The following RGPD3 variants were observed in gnomAD, a reference collection of about 807,000 sequenced individuals.
RGPD3 encodes ranBP2-like and GRIP domain-containing protein 3.
In RGPD3, 62 loss-of-function variants were observed where a neutral mutation model predicts 154.5. The ratio of observed to expected loss-of-function variants is 0.40; its 90% confidence interval spans 0.33 to 0.50. The LOEUF (loss-of-function observed/expected upper bound fraction) is 0.50, where lower values mean the gene tolerates loss of function less well. Among genes scored for constraint, RGPD3 ranks in the 20% least tolerant of loss-of-function variants. The probability of loss-of-function intolerance (pLI) is 0.59; values close to 1 mark genes in which losing one functional copy is unlikely to be tolerated. For synonymous variants in RGPD3, 308 were observed against 607.0 expected, an observed-to-expected ratio of 0.51 and a Z score of 7.24; for missense variants, 919 against 1,716.8, an observed-to-expected ratio of 0.54 and a Z score of 8.21.
At chr2:106,462,192 T>C (rs1354545579) in intron 1 of RGPD3, among the ~76,000 whole-genome samples, 1 of 151,990 alleles carries the variant, frequency 6.6e-6, no homozygotes, top group Non-Finnish European at 1.5e-5. Flanking sequence ...GTTCCCCCTT[T>C]TCAAAATGAA....
chr2:106,463,726 A>ACAAT lies in RGPD3; in HGVS notation c.73-4398_73-4395dup, dbSNP rs1327230013. ...CGGTTAGTAAGGGTATTCCAGGTAG[A>ACAAT]CAATCAATCAATCAATCAATGTTTT... On this transcript the variant is annotated intron_variant, in intron 1 of 22. Coordinates refer to ENST00000409886, the MANE Select transcript of RGPD3 (RefSeq NM_001144013.2). Among the ~76,000 whole-genome samples the ACAAT allele has an allele frequency of 2.3e-3, 352 of 151,872 alleles. 2 individuals carry two copies. The highest frequency in any genetic ancestry group is 3.9e-3 in the Admixed American group (59 of 15,250).
chr2:106,424,687 C>T lies in RGPD3; in HGVS notation c.3280G>A (p.Gly1094Ser), dbSNP rs556289316. The change falls in exon 20 of 23, where the codon GGC (glycine) becomes AGC (serine). Residue 1094 changes from glycine to serine, a missense_variant. Coordinates refer to ENST00000409886, the MANE Select transcript of RGPD3 (RefSeq NM_001144013.2). ...NLKILKNEVN[G>S]KVRMLMQREQ... ...CTTTGCATCAGCATTCTTACTTTGC[C>T]ATTGACCTCGTTTTTGAGAATTTTT... 3.1e-6 allele frequency: 5 copies of T among 1,611,974 alleles called. No individual in the cohort carries two copies. In the East Asian group the frequency reaches 6.7e-5, roughly 22 times the overall value.
chr2:106,429,950 C>T (rs866603439), intron 17 of RGPD3, among the ~76,000 whole-genome samples, 169 bp from the exon 18 acceptor site: 615 of 145,432 alleles, frequency 4.2e-3, no homozygotes, highest in Middle Eastern at 7.8e-3. Flanking sequence ...ATGGCACAAT[C>T]TTGGCTCACC....
intron 1 of RGPD3, among the ~76,000 whole-genome samples, chr2:106,466,931 C>T (rs866347195): frequency 0.019 from 2,115 of 109,560 alleles, 169 homozygotes; most frequent in East Asian, 0.13. Context: ...CAGGGAGCAG[C>T]GCCCGTCGGG....
At chr2:106,440,554 C>A (rs1279886874) in intron 8 of RGPD3, among the ~76,000 whole-genome samples, 2 of 142,438 alleles carry the variant, frequency 1.4e-5, no homozygotes, top group Non-Finnish European at 3.1e-5. Context: ...CTAACTCCCA[C>A]AAAAAAAGTG....
intron 1 of RGPD3, among the ~76,000 whole-genome samples, chr2:106,464,705 G>GA (rs1171802667): frequency 6.6e-5 from 10 of 152,116 alleles, no homozygotes; most frequent in South Asian, 6.2e-4. Context: ...AAAAACTAGA[G>GA]AAAAAATTAT....
chr2:106,469,307 T>A (rs1573314051), upstream of RGPD3, among the ~76,000 whole-genome samples: 5 of 148,998 alleles, frequency 3.4e-5, no homozygotes, highest in African/African-American at 1.2e-4. Flanking sequence ...ACCTTACACC[T>A]ATCAAAAAGG....
At chr2:106,468,132 C>A in intron 1 of RGPD3, 85 bp downstream of exon 1, 1 of 1,505,584 alleles carries the variant, frequency 6.6e-7, no homozygotes, top group Non-Finnish European at 8.9e-7. Flanking sequence ...GCCATGACGC[C>A]TGAGCCATCG....
At chr2:106,464,223 G>T (rs1227701916) in intron 1 of RGPD3, among the ~76,000 whole-genome samples, 2 of 151,058 alleles carry the variant, frequency 1.3e-5, no homozygotes, top group South Asian at 4.2e-4. Flanking sequence ...GCGGGTGCCC[G>T]TAGTCCCAGC....
At chr2:106,448,792 G>A (rs533287757) in intron 6 of RGPD3, among the ~76,000 whole-genome samples, 1 of 152,062 alleles carries the variant, frequency 6.6e-6, no homozygotes, top group South Asian at 2.1e-4. Flanking sequence ...CCAGGTTCAA[G>A]CGATTCTTCT....
At chr2:106,430,332 A>G (rs563972333) in intron 17 of RGPD3, among the ~76,000 whole-genome samples, 68 of 143,222 alleles carry the variant, frequency 4.7e-4, no homozygotes, top group Middle Eastern at 3.5e-3. Flanking sequence ...CACCTAAACA[A>G]ATAACCTCCT....
At position 106,424,729 on chromosome 2, in the gene RGPD3, T is replaced by G. The variant is rs1172778237; in HGVS notation, c.3238A>C (p.Arg1080=). 3 of 1,611,984 alleles carry G rather than the reference T, an allele frequency of 1.9e-6. No homozygotes were observed. The highest frequency in any genetic ancestry group is 2.5e-6 in the Non-Finnish European group (3 of 1,179,846). Residue 1080 remains arginine, a synonymous_variant, in exon 20 of 23, where the codon AGG becomes CGG. Transcript: ENST00000409886. ...FDAEVSQWKE[R]GLGNLKILKN... is the part of the protein sequence containing the mutation. ...AGAATTTTTAAGTTCCCCAAGCCCC[T>G]TTCTTTCCACTGACTTACCTCAGCA...
chr2:106,462,028 C>G (rs563994388), intron 1 of RGPD3, among the ~76,000 whole-genome samples: 1 of 151,822 alleles, frequency 6.6e-6, no homozygotes, highest in Non-Finnish European at 1.5e-5. Flanking sequence ...GGACTACAGG[C>G]GCACACCACC....
chr2:106,469,561 A>G (rs183126331), upstream of RGPD3, among the ~76,000 whole-genome samples: 1,043 of 152,336 alleles, frequency 6.8e-3, 12 homozygotes, highest in African/African-American at 0.024. Flanking sequence ...GTCCCTAAAC[A>G]TCCACACTCA....
chr2:106,421,521 G>A (rs1300584776), intron 20 of RGPD3, among the ~76,000 whole-genome samples: 6 of 150,794 alleles, frequency 4.0e-5, no homozygotes, highest in South Asian at 2.1e-4. Context: ...TGGTCACTAA[G>A]GGTGAGATTT....
rs1409724690 is a variant in RGPD3, at chr2:106,418,236, T to C, written c.4925-2247A>G. 2.7e-5 allele frequency among the ~76,000 whole-genome samples: 4 copies of C among 146,250 alleles called. No individual in the cohort carries two copies. The Admixed American group carries it at 2.8e-4, about 10-fold the overall frequency. On this transcript the variant is annotated intron_variant, in intron 20 of 22. Transcript: ENST00000409886. ...CTACTAGCTAAGACAAACTGTTAGA[T>C]AACACAGCTCATAATATAGTACTAC...
chr2:106,464,083 C>T (rs866851772), intron 1 of RGPD3, among the ~76,000 whole-genome samples: 5 of 152,200 alleles, frequency 3.3e-5, no homozygotes, highest in South Asian at 2.1e-4. Flanking sequence ...CGGTGGCTCA[C>T]GCCTGTAATC....
In RGPD3 at chr2:106,425,369, A is replaced by G. The variant is rs1677166069; in HGVS notation, c.2701-103T>C. 1.6e-5 allele frequency: 24 copies of G among 1,534,136 alleles called. No individual in the cohort carries two copies. In the South Asian group the frequency reaches 2.4e-4, roughly 15 times the overall value. On this transcript the variant is annotated intron_variant, in intron 19 of 22. Coordinates refer to ENST00000409886, the MANE Select transcript of RGPD3 (RefSeq NM_001144013.2). ...AAACAATTTATCAAATGATGTTAAC[A>G]ATAATGATGATGATGATGATGATAA...
intron 7 of RGPD3, among the ~76,000 whole-genome samples, chr2:106,446,801 G>T (rs1325597549): frequency 2.0e-5 from 3 of 151,740 alleles, no homozygotes; most frequent in Non-Finnish European, 4.4e-5. Context: ...AGAATCACTT[G>T]AACCCAGGAG....
Sources: gnomAD v4.1 joint callset for allele counts (sites outside exome capture counted in the v4.1 genomes callset) on GRCh38, gnomAD v4.1.1 for gene constraint, MANE v1.5 for transcripts, NCBI Gene and HGNC (gene_info 2026-07-23, HGNC 2026-07-21) for gene names.